COBLL1: variants seen among roughly 807,000 people sequenced by gnomAD.
The protein encoded by COBLL1 is cordon-bleu protein-like 1.
In COBLL1, 50 loss-of-function variants were observed where a neutral mutation model predicts 94.8. The ratio of observed to expected loss-of-function variants is 0.53; its 90% CI spans 0.42 to 0.67. The LOEUF is 0.67. Among genes scored for constraint, COBLL1 ranks in the 30% least tolerant of loss-of-function variants. The pLI, the probability that COBLL1 is intolerant of heterozygous loss-of-function variation, is 0.00. For synonymous variants in COBLL1, 448 were observed against 473.8 expected (o/e 0.95, Z 0.71); for missense variants, 1,362 against 1,348.7 (o/e 1.01, Z -0.15).
rs558093258 is a variant in COBLL1, at chr2:164,750,090, C to A, written c.42-6215G>T. On this transcript the variant is annotated intron_variant, in intron 2 of 13. Transcript: ENST00000652658. ...TACAACCTCCACCTCCAAGAGACTT[C>A]ATAAAAGCCCATGGCTTCAAATATC... 5.9e-5 allele frequency among the ~76,000 whole-genome samples: 9 copies of A among 152,364 alleles called. No homozygotes were observed. The South Asian group carries it at 1.4e-3, about 25-fold the overall frequency.
chr2:164,686,662 C>T (rs1439571132), intron 13 of COBLL1, among the ~76,000 whole-genome samples: 2 of 151,378 alleles, frequency 1.3e-5, no homozygotes, highest in Non-Finnish European at 2.9e-5. Context: ...GTCTTCTATT[C>T]ACAAACTATA....
intron 3 of COBLL1, among the ~76,000 whole-genome samples, chr2:164,736,676 T>G (rs1163378487): frequency 6.6e-6 from 1 of 152,072 alleles, no homozygotes; most frequent in African/African-American, 2.4e-5. Context: ...ACAAAAATAC[T>G]ACAAATATAT....
In COBLL1 at chr2:164,667,284, T is replaced by C. The variant is rs369451548; in HGVS notation, n.127-1383A>G. 2.6e-5 allele frequency among the ~76,000 whole-genome samples: 4 copies of C among 152,276 alleles called. No homozygotes were observed. The East Asian group carries it at 5.8e-4, about 22-fold the overall frequency. On this transcript the variant is annotated intron_variant and non_coding_transcript_variant, in intron 1 of 2. Transcript: ENST00000495084. Reference sequence around the variant, plus strand: ...GTGCTGTCATCCATGCTTTGGTGTTTTGAGCACAGGCACAGTAGATATAGC... The same window carrying C: ...GTGCTGTCATCCATGCTTTGGTGTTCTGAGCACAGGCACAGTAGATATAGC...
intron 7 of COBLL1, among the ~76,000 whole-genome samples, chr2:164,705,718 C>A (rs73013660): frequency 6.6e-6 from 1 of 152,032 alleles, no homozygotes; most frequent in Non-Finnish European, 1.5e-5. Flanking sequence ...AATGAATGAA[C>A]GAATAAATAA....
intron 12 of COBLL1, among the ~76,000 whole-genome samples, chr2:164,693,783 G>A (rs1683742736): frequency 6.6e-6 from 1 of 152,124 alleles, no homozygotes; most frequent in African/African-American, 2.4e-5. Context: ...ATATATGCAA[G>A]CTGAAGTTGA....
At chr2:164,696,514 A>C (rs950877769) in intron 11 of COBLL1, 1 of 152,136 alleles carries the variant, frequency 6.6e-6, no homozygotes. Flanking sequence ...AATGACATGA[A>C]ATCAGTCATA....
intron 11 of COBLL1, 122 bp from the exon 12 acceptor site, chr2:164,695,958 C>T: frequency 1.3e-6 from 1 of 752,168 alleles, no homozygotes. Context: ...TTTCAACTCA[C>T]TGACTATATA....
In COBLL1 at chr2:164,722,535, A is replaced by G. The variant is rs1685506379; in HGVS notation, c.662-13T>C. The G allele has an allele frequency of 7.3e-7, 1 of 1,368,016 alleles. No homozygotes were observed. The highest frequency in any genetic ancestry group is 9.9e-7 in the Non-Finnish European group (1 of 1,012,708). 84.7% of individuals were successfully genotyped at this position (1,368,016 alleles called of 1,614,324 possible). ...ATTTGGCAGGACTCTAAAATAGAAG[A>G]AAAGCATCTTACTTTTGTATGTGAG... On this transcript the variant is annotated splice_polypyrimidine_tract_variant and intron_variant, in intron 5 of 13. Coordinates refer to ENST00000652658, the MANE Select transcript of COBLL1 (RefSeq NM_001365672.2).
rs1393548437 is a variant in COBLL1, at chr2:164,808,047, T to TTA, written c.41+33107_41+33108dup. ...GTTCACCAGGCTGGTCTTAAACTCC[T>TTA]TATCTCAAGTGATCTGCCCACCTCA... On this transcript the variant is annotated intron_variant, in intron 2 of 13. Coordinates refer to ENST00000652658, the MANE Select transcript of COBLL1 (RefSeq NM_001365672.2). Among the ~76,000 whole-genome samples the TTA allele has an allele frequency of 7.9e-5, 12 of 152,126 alleles. 1 individual carries two copies. The highest frequency in any genetic ancestry group is 2.9e-4 in the African/African-American group (12 of 41,428).
At chr2:164,754,905 G>A (rs1687316226) in intron 2 of COBLL1, among the ~76,000 whole-genome samples, 1 of 152,032 alleles carries the variant, frequency 6.6e-6, no homozygotes, top group South Asian at 2.1e-4. Flanking sequence ...TGGGTGCAGT[G>A]GCCCACACCT....
chr2:164,714,389 A>C (rs889553688), intron 7 of COBLL1, among the ~76,000 whole-genome samples: 7 of 135,694 alleles, frequency 5.2e-5, no homozygotes, highest in Non-Finnish European at 1.1e-4. Context: ...AAAAAAAAAA[A>C]CCAGGATGAA....
At chr2:164,774,554 C>T (rs1317205146) in intron 2 of COBLL1, among the ~76,000 whole-genome samples, 4 of 152,198 alleles carry the variant, frequency 2.6e-5, no homozygotes, top group Admixed American at 2.6e-4. Context: ...AATCACATGT[C>T]CCATTACTTT....
At chr2:164,784,898 G>A (rs1233063394) in intron 2 of COBLL1, among the ~76,000 whole-genome samples, 1 of 152,046 alleles carries the variant, frequency 6.6e-6, no homozygotes, top group Non-Finnish European at 1.5e-5. Flanking sequence ...TCTAAGTTGT[G>A]TTAGAAACAT....
At chr2:164,748,126 G>C (rs1188825588) in intron 2 of COBLL1, among the ~76,000 whole-genome samples, 1 of 152,080 alleles carries the variant, frequency 6.6e-6, no homozygotes, top group Non-Finnish European at 1.5e-5. Context: ...AGAGCCTGTA[G>C]GGTCAATTAT....
At chr2:164,767,085 A>C (rs1687967876) in intron 2 of COBLL1, among the ~76,000 whole-genome samples, 1 of 152,234 alleles carries the variant, frequency 6.6e-6, no homozygotes, top group South Asian at 2.1e-4. Flanking sequence ...CAGACAGCAT[A>C]ACTGTGTTTA....
intron 5 of COBLL1, among the ~76,000 whole-genome samples, chr2:164,726,195 T>G (rs1428837436): frequency 6.6e-6 from 1 of 152,046 alleles, no homozygotes; most frequent in African/African-American, 2.4e-5. Context: ...AGATAGAGAG[T>G]GGCAAAATTA....
intron 2 of COBLL1, among the ~76,000 whole-genome samples, chr2:164,789,803 A>C (rs1003689070): frequency 6.6e-6 from 1 of 152,202 alleles, no homozygotes; most frequent in African/African-American, 2.4e-5. Context: ...ACATTTTGAA[A>C]ATGAAGTAAT....
chr2:164,706,387 G>C (rs531232930), intron 7 of COBLL1, among the ~76,000 whole-genome samples: 1 of 152,294 alleles, frequency 6.6e-6, no homozygotes, highest in East Asian at 1.9e-4. Context: ...ACAGAGTGTG[G>C]TCTGTGAACA....
At chr2:164,817,734 C>T (rs992534331) in intron 2 of COBLL1, among the ~76,000 whole-genome samples, 2 of 152,200 alleles carry the variant, frequency 1.3e-5, no homozygotes, top group African/African-American at 2.4e-5. Context: ...TCAAGGTCAG[C>T]GCAACAGTTC....
Sources: allele counts gnomAD v4.1 joint callset (sites outside exome capture counted in the v4.1 genomes callset), GRCh38; gene constraint gnomAD v4.1.1; transcripts MANE v1.5; gene names NCBI Gene and HGNC (gene_info 2026-07-23, HGNC 2026-07-21).